Variants in KCTD1 observed in about 807,000 individuals in gnomAD.
The protein encoded by KCTD1 is BTB/POZ domain-containing protein KCTD1.
Under a neutral mutation model 66.0 loss-of-function variants are expected in KCTD1, and 24 were observed. That is an observed-to-expected ratio of 0.36 (90% CI 0.26 to 0.51). KCTD1 has a LOEUF of 0.51. KCTD1 is among the 20% of genes least tolerant of loss of function. KCTD1 has a pLI of 0.95. For missense variants in KCTD1, 943 were observed against 1,205.2 expected (o/e 0.78, Z 3.22); for synonymous variants, 511 against 517.2 (o/e 0.99, Z 0.16).
intron 1 of KCTD1, among the ~76,000 whole-genome samples, chr18:26,619,114 T>G (rs1471013580): frequency 6.6e-6 from 1 of 152,218 alleles, no homozygotes; most frequent in African/African-American, 2.4e-5. Flanking sequence ...AAAGTTTAGC[T>G]TAGATATATG....
chr18:26,550,041 C>A (rs1010092509), upstream of KCTD1, among the ~76,000 whole-genome samples: 11 of 151,874 alleles, frequency 7.2e-5, no homozygotes, highest in Admixed American at 6.5e-5. This position sits in a 1 kb window ranked among gnomAD's most constrained non-coding sequence, Gnocchi z 5.4. Context: ...TAACTTTCAC[C>A]TTCTCCCGCA....
At chr18:26,533,885 A>G (rs1984567081) in intron 1 of KCTD1, among the ~76,000 whole-genome samples, 1 of 149,484 alleles carries the variant, frequency 6.7e-6, no homozygotes, top group Admixed American at 6.6e-5. Context: ...ATCTGGTTGT[A>G]TGTGTTAGAT....
At chr18:26,550,229 C>G (rs1294830886), upstream of KCTD1, among the ~76,000 whole-genome samples, 2 of 152,226 alleles carry the variant, frequency 1.3e-5, no homozygotes, top group Non-Finnish European at 2.9e-5. The surrounding 1 kb of genome is among the most constrained non-coding windows in gnomAD (Gnocchi z 5.4). Context: ...GGCAGTTAGG[C>G]TGTGAGAGTT....
rs917976432 is a variant in KCTD1, at chr18:26,526,868, GTTTT to G, written c.1809+19856_1809+19859del. On this transcript the variant is annotated intron_variant, in intron 1 of 4. Coordinates refer to ENST00000580059, the MANE Select transcript of KCTD1 (RefSeq NM_001142730.3). ...CAGTCCCATTTATCTTACATTTTGG[GTTTT>G]TTTTTTTTTTTTGTCTCCAACAACT... is the stretch of plus-strand genomic sequence containing the variant. Among the ~76,000 whole-genome samples the G allele has an allele frequency of 2.9e-5, 4 of 138,474 alleles. No individual in the cohort carries two copies. In the East Asian group the frequency reaches 6.3e-4, roughly 22 times the overall value. The allele number at this position is 138,474 out of a possible 152,430, so 90.8% of individuals were successfully genotyped here.
chr18:26,482,407 A>G (rs1362182832), intron 2 of KCTD1, among the ~76,000 whole-genome samples: 1 of 152,164 alleles, frequency 6.6e-6, no homozygotes, highest in Non-Finnish European at 1.5e-5. Flanking sequence ...CTAAGGAGGG[A>G]TGGGAAAGAG....
At chr18:26,617,181 TG>T (rs1355038321) in intron 1 of KCTD1, among the ~76,000 whole-genome samples, 1 of 152,196 alleles carries the variant, frequency 6.6e-6, no homozygotes, top group African/African-American at 2.4e-5. Flanking sequence ...TTAAACAAAT[TG>T]GCCATCCCAA....
chr18:26,523,091 T>C (rs1221527387), intron 1 of KCTD1, among the ~76,000 whole-genome samples: 1 of 152,020 alleles, frequency 6.6e-6, no homozygotes, highest in Admixed American at 6.6e-5. Context: ...TTTTCCATGG[T>C]GATGTTGTAG....
chr18:26,577,435 G>A (rs998861120), intron 1 of KCTD1, among the ~76,000 whole-genome samples: 3 of 152,138 alleles, frequency 2.0e-5, no homozygotes, highest in African/African-American at 7.2e-5. Context: ...TGGGGCTTAG[G>A]GAGGTAGTAG....
chr18:26,643,310 G>C (rs1454626372), upstream of KCTD1, among the ~76,000 whole-genome samples: 1 of 152,066 alleles, frequency 6.6e-6, no homozygotes, highest in African/African-American at 2.4e-5. Context: ...TCTTAATTAT[G>C]TCCCCAAAGT....
chr18:26,626,154 CAAAAAAAAAAACA>C (rs988673372), intron 1 of KCTD1, among the ~76,000 whole-genome samples: 3 of 117,826 alleles, frequency 2.5e-5, no homozygotes, highest in African/African-American at 9.9e-5. Flanking sequence ...TTTCATGAGC[CAAAAAAAAAAACA>C]AAAAAAAAAA....
chr18:26,565,216 A>G (rs1363784113), intron 1 of KCTD1, among the ~76,000 whole-genome samples: 2 of 152,204 alleles, frequency 1.3e-5, no homozygotes, highest in Admixed American at 6.5e-5. Context: ...GATCATCTCT[A>G]TCTCTGGCAG....
At chr18:26,625,876 C>T (rs1245060067) in intron 1 of KCTD1, among the ~76,000 whole-genome samples, 1 of 152,164 alleles carries the variant, frequency 6.6e-6, no homozygotes, top group Non-Finnish European at 1.5e-5. Flanking sequence ...CCTGGCCAGA[C>T]CATATATTCC....
At chr18:26,513,454 T>C (rs1015527242) in intron 1 of KCTD1, among the ~76,000 whole-genome samples, 1 of 152,212 alleles carries the variant, frequency 6.6e-6, no homozygotes, top group East Asian at 1.9e-4. Flanking sequence ...AAGATCACAC[T>C]TCTAACTTTT....
At chr18:26,604,911 G>T (rs1986978301) in intron 1 of KCTD1, among the ~76,000 whole-genome samples, 1 of 151,944 alleles carries the variant, frequency 6.6e-6, no homozygotes, top group Non-Finnish European at 1.5e-5. Flanking sequence ...AAAAAATAAA[G>T]AAACTCAGGA....
upstream of KCTD1, among the ~76,000 whole-genome samples, chr18:26,641,931 T>C (rs1327780216): frequency 1.3e-5 from 2 of 152,168 alleles, no homozygotes; most frequent in Admixed American, 6.5e-5. Flanking sequence ...TATATTTATA[T>C]GATGAGGACC....
intron 1 of KCTD1, among the ~76,000 whole-genome samples, chr18:26,509,781 T>C (rs1048621154): frequency 2.0e-5 from 3 of 152,222 alleles, no homozygotes; most frequent in Admixed American, 2.0e-4. Context: ...GCACCCTAAG[T>C]AAGGGTACAG....
intron 1 of KCTD1, among the ~76,000 whole-genome samples, chr18:26,516,530 T>C (rs896623331): frequency 3.3e-5 from 5 of 152,164 alleles, no homozygotes; most frequent in Non-Finnish European, 5.9e-5. Flanking sequence ...AGGTAGATCC[T>C]TGGCCCTGAT....
intron 1 of KCTD1, among the ~76,000 whole-genome samples, chr18:26,578,174 G>C (rs61171549): frequency 1.3e-5 from 2 of 150,208 alleles, no homozygotes; most frequent in Admixed American, 1.3e-4. Context: ...TCCTGCCTCA[G>C]CCTCTTGAGT....
At chr18:26,558,619 C>A (rs1226389006) in intron 1 of KCTD1, among the ~76,000 whole-genome samples, 1 of 152,146 alleles carries the variant, frequency 6.6e-6, no homozygotes, top group Non-Finnish European at 1.5e-5. Flanking sequence ...GAGTACTATT[C>A]AGCCATAAAA....
Sources: gnomAD v4.1 joint callset for allele counts (sites outside exome capture counted in the v4.1 genomes callset) on GRCh38, gnomAD v4.1.1 for gene constraint, Gnocchi (gnomAD v3.1) non-coding constraint, MANE v1.5 for transcripts, NCBI Gene and HGNC (gene_info 2026-07-23, HGNC 2026-07-21) for gene names.